SESN3: variants seen among roughly 807,000 people sequenced by gnomAD.
SESN3 encodes sestrin-3.
A neutral mutation model predicts 55.3 loss-of-function variants in SESN3; 21 were observed. That is an observed-to-expected ratio of 0.38 (90% CI 0.27 to 0.55). SESN3 has a LOEUF of 0.55. Ranked by LOEUF, SESN3 falls within the 20% of genes least tolerant of loss-of-function variation. The pLI is 0.76. For missense variants in SESN3, 408 were observed against 604.3 expected, an observed-to-expected ratio of 0.68 and a Z score of 3.41; for synonymous variants, 181 against 203.1, an observed-to-expected ratio of 0.89 and a Z score of 0.93.
In SESN3 at chr11:95,176,237, T is replaced by A. The variant is rs139951958; in HGVS notation, c.1248-595A>T. 5.4e-4 allele frequency among the ~76,000 whole-genome samples: 82 copies of A among 152,306 alleles called. No homozygotes were observed. In the Middle Eastern group the frequency reaches 0.014, roughly 25 times the overall value. On this transcript the variant is annotated intron_variant, in intron 8 of 9. Transcript: ENST00000536441. Reference sequence around the variant, plus strand: ...TTGGTTGATAGGGACAAAAGCCTGATACTGTGAATAGGTTCAAGAGAGAAT... The same window carrying A: ...TTGGTTGATAGGGACAAAAGCCTGAAACTGTGAATAGGTTCAAGAGAGAAT...
chr11:95,218,294 G>C (rs1301774391), intron 1 of SESN3, among the ~76,000 whole-genome samples: 1 of 152,196 alleles, frequency 6.6e-6, no homozygotes, highest in African/African-American at 2.4e-5. Context: ...CTTGACTGTA[G>C]TGTCAACTGG....
At chr11:95,218,579 G>T (rs184636406) in intron 1 of SESN3, among the ~76,000 whole-genome samples, 2 of 150,944 alleles carry the variant, frequency 1.3e-5, no homozygotes, top group East Asian at 3.9e-4. Flanking sequence ...GCATAAAATA[G>T]CAATCTGTAT....
intron 4 of SESN3, among the ~76,000 whole-genome samples, chr11:95,189,012 A>T (rs1413520019): frequency 6.6e-6 from 1 of 151,954 alleles, no homozygotes; most frequent in Non-Finnish European, 1.5e-5. Context: ...TGTTTGGTTG[A>T]AAGGGCAAAT....
intron 1 of SESN3, chr11:95,224,519 C>T: frequency 2.4e-6 from 1 of 418,352 alleles, no homozygotes. Flanking sequence ...TTAATAATGT[C>T]TTTCTCTGTT....
rs1555124851 is a variant in SESN3, at chr11:95,231,166, T to TGCC, written c.-309_-307dup. ...GGCTAGGACGAGCAGCCGCCACCGC[T>TGCC]GCCACCGCCACCACCGCCGCCGCAG... On this transcript the variant is annotated 5_prime_UTR_variant, in exon 1 of 10. Coordinates refer to ENST00000536441, the MANE Select transcript of SESN3 (RefSeq NM_144665.4). 1.2e-3 allele frequency: 334 copies of TGCC among 283,898 alleles called. No individual in the cohort carries two copies. The highest frequency in any genetic ancestry group is 1.7e-3 in the Non-Finnish European group (281 of 164,374). The allele number at this position is 283,898 out of a possible 1,614,324, so 17.6% of individuals were successfully genotyped here. A position where few individuals can be genotyped will look rare whatever the true frequency, so the allele number is the denominator to read the frequency against.
intron 7 of SESN3, 91 bp downstream of exon 7, chr11:95,178,619 A>G (rs1860002625): frequency 1.3e-6 from 1 of 796,984 alleles, no homozygotes; most frequent in African/African-American, 1.7e-5. Context: ...ATTCTATCAA[A>G]AATTGTTTAG....
intron 4 of SESN3, among the ~76,000 whole-genome samples, chr11:95,185,990 G>A (rs914999192): frequency 1.3e-5 from 2 of 151,874 alleles, no homozygotes; most frequent in Non-Finnish European, 2.9e-5. Flanking sequence ...CCTCACATCT[G>A]AATAAGAATT....
intron 1 of SESN3, among the ~76,000 whole-genome samples, chr11:95,210,593 G>A (rs900635860): frequency 6.6e-6 from 1 of 152,176 alleles, no homozygotes; most frequent in Non-Finnish European, 1.5e-5. Context: ...TCACTGATAT[G>A]CTCAAATCAT....
chr11:95,224,171 GAAGAT>G (rs1189175807), intron 1 of SESN3, among the ~76,000 whole-genome samples: 1 of 152,112 alleles, frequency 6.6e-6, no homozygotes, highest in African/African-American at 2.4e-5. Flanking sequence ...GTTGGAAAAA[GAAGAT>G]AAGTGTGAAT....
chr11:95,230,432 C>T lies in SESN3; in HGVS notation c.78+351G>A. ...GACCTCCATCAACAGCTAAACTGCA[C>T]AGGGAGGAGGATCGAACGGATCCCT... On this transcript the variant is annotated intron_variant, in intron 1 of 9. Coordinates refer to ENST00000536441, the MANE Select transcript of SESN3 (RefSeq NM_144665.4). This position sits in a 1 kb window ranked among gnomAD's most constrained non-coding sequence, Gnocchi z 4.6. 1 of 258,222 alleles carries T rather than the reference C, an allele frequency of 3.9e-6. No homozygotes were observed. The highest frequency in any genetic ancestry group is 4.3e-5 in the South Asian group (1 of 23,050). 16.0% of individuals were successfully genotyped at this position (258,222 alleles called of 1,614,324 possible).
chr11:95,196,162 T>A (rs1452280999), intron 1 of SESN3, among the ~76,000 whole-genome samples: 1 of 152,224 alleles, frequency 6.6e-6, no homozygotes, highest in Non-Finnish European at 1.5e-5. Context: ...TGTATTCTTC[T>A]TCAATTATAT....
chr11:95,222,329 C>T (rs936562713), intron 1 of SESN3, among the ~76,000 whole-genome samples: 2 of 151,896 alleles, frequency 1.3e-5, no homozygotes, highest in African/African-American at 4.8e-5. Context: ...ATGAAATGCT[C>T]GAAAGCAAAA....
intron 1 of SESN3, chr11:95,201,432 T>C (rs1440882574): frequency 6.6e-6 from 1 of 152,108 alleles, no homozygotes; most frequent in Non-Finnish European, 1.5e-5. Flanking sequence ...GAGTTTAATT[T>C]GCAGTGCAGT....
Position 95,230,792 on chromosome 11 carries a change from C to T in SESN3, c.69G>A (p.Val23=). Residue 23 remains valine (V), a synonymous_variant, in exon 1 of 10, where the codon GTG becomes GTA. Coordinates refer to ENST00000536441, the MANE Select transcript of SESN3 (RefSeq NM_144665.4). This position sits in a 1 kb window ranked among gnomAD's most constrained non-coding sequence, Gnocchi z 4.6. The part of the protein sequence containing the change: ...NYLLCTNCRK[V]LRKDKRIRVS... Reference sequence around the variant, plus strand: ...CGGGCCGAACCCGTACCTTCCGCAGCACTTTCCGGCAGTTGGTACAGAGCA... The same window carrying T: ...CGGGCCGAACCCGTACCTTCCGCAGTACTTTCCGGCAGTTGGTACAGAGCA... 6.2e-7 allele frequency: 1 copy of T among 1,606,708 alleles called. No individual in the cohort carries two copies. Among genetic ancestry groups the T allele is most frequent in the Non-Finnish European group, 8.5e-7 (1 of 1,177,348 alleles).
Position 95,193,440 on chromosome 11 carries a change from A to C in SESN3, c.144+17T>G. 1 of 1,407,326 alleles carries C rather than the reference A, an allele frequency of 7.1e-7. No homozygotes were observed. Among genetic ancestry groups the C allele is most frequent in the Non-Finnish European group, 1.0e-6 (1 of 995,638 alleles). 87.2% of individuals were successfully genotyped at this position (1,407,326 alleles called of 1,614,324 possible). ...TTTTAAATCTTACTTTTTATATTTT[A>C]AGACAGATAAACTTACTTCCTTCTC... On this transcript the variant is annotated intron_variant, in intron 2 of 9. Coordinates refer to ENST00000536441, the MANE Select transcript of SESN3 (RefSeq NM_144665.4).
chr11:95,173,959 T>A (rs1161925086), intron 9 of SESN3, among the ~76,000 whole-genome samples: 7 of 152,180 alleles, frequency 4.6e-5, no homozygotes, highest in African/African-American at 9.6e-5. Context: ...TTTAATATTA[T>A]ATTCTTTTGA....
At chr11:95,193,017 A>C (rs769487570) in intron 2 of SESN3, among the ~76,000 whole-genome samples, 3 of 152,116 alleles carry the variant, frequency 2.0e-5, no homozygotes, top group Non-Finnish European at 2.9e-5. Context: ...GGAAGTCTTT[A>C]TATGTAGTAG....
upstream of SESN3, chr11:95,232,028 G>C (rs891976385): frequency 2.0e-5 from 3 of 152,236 alleles, no homozygotes; most frequent in Non-Finnish European, 2.9e-5. Flanking sequence ...AAAGGCCAAA[G>C]GGGCTTGTTT....
At chr11:95,221,084 C>A (rs773726423) in intron 1 of SESN3, among the ~76,000 whole-genome samples, 1 of 152,132 alleles carries the variant, frequency 6.6e-6, no homozygotes, top group Non-Finnish European at 1.5e-5. Flanking sequence ...AGGCAGATCA[C>A]TTGAGGTCAG....
Sources: allele counts gnomAD v4.1 joint callset (sites outside exome capture counted in the v4.1 genomes callset), GRCh38; gene constraint gnomAD v4.1.1; non-coding constraint Gnocchi (gnomAD v3.1); transcripts MANE v1.5; gene names NCBI Gene and HGNC (gene_info 2026-07-23, HGNC 2026-07-21).